Variants in SPATA24 observed in about 807,000 individuals in gnomAD.
SPATA24 encodes spermatogenesis-associated protein 24.
In SPATA24, 21 loss-of-function variants were observed where a neutral mutation model predicts 28.9. The ratio of observed to expected loss-of-function variants is 0.73; its 90% CI spans 0.52 to 1.05. The LOEUF is 1.05. Among genes scored for constraint, SPATA24 ranks in the 50% least tolerant of loss-of-function variants. The pLI is 0.00. For synonymous variants in SPATA24, 76 were observed against 89.9 expected (o/e 0.85, Z 0.88); for missense variants, 215 against 242.9 (o/e 0.88, Z 0.76).
chr5:139,394,520 A>T, downstream of SPATA24: 1 of 1,460,382 alleles, frequency 6.8e-7, no homozygotes, highest in Non-Finnish European at 9.0e-7. Context: ...ACCTCCACAC[A>T]CTCGAACTGC....
downstream of SPATA24, chr5:139,394,377 A>G (rs1341806108): frequency 2.8e-5 from 40 of 1,406,874 alleles, no homozygotes; most frequent in Non-Finnish European, 3.7e-5. Context: ...CGTCCAGGGA[A>G]CCGGTGCGCA....
chr5:139,394,633 G>A, downstream of SPATA24: 1 of 1,534,394 alleles, frequency 6.5e-7, no homozygotes, highest in South Asian at 1.2e-5. Flanking sequence ...CGCGGCGGGA[G>A]ACGCTGGCCC....
Position 139,397,129 on chromosome 5 carries a change from T to C in SPATA24, c.400A>G (p.Ile134Val). The change falls in exon 5 of 6, where the codon ATT becomes GTT. Residue 134 changes from isoleucine (I) to valine (V), a missense_variant. By Grantham distance (29) the Ile-to-Val change is conservative. Coordinates refer to ENST00000450845, the MANE Select transcript of SPATA24 (RefSeq NM_194296.2). ...ITKCNEIESH[I>V]IKQEDILNGK... is the part of the protein sequence containing the mutation. Reference sequence around the variant, plus strand: ...TTAAGTATATCTTCTTGCTTTATAATGTGAGACTCAATCTCTGTGGGGGAG... The same window carrying C: ...TTAAGTATATCTTCTTGCTTTATAACGTGAGACTCAATCTCTGTGGGGGAG... 3 of 1,552,100 alleles carry C rather than the reference T, an allele frequency of 1.9e-6. No homozygotes were observed. Among genetic ancestry groups the C allele is most frequent in the Non-Finnish European group, 2.6e-6 (3 of 1,146,990 alleles).
At chr5:139,392,576 G>A (rs1177899563), downstream of SPATA24, 4 of 1,358,954 alleles carry the variant, frequency 2.9e-6, no homozygotes, top group Non-Finnish European at 3.8e-6. The surrounding 1 kb of genome is among the most constrained non-coding windows in gnomAD (Gnocchi z 5.8). Context: ...GGCTCCCGCG[G>A]GAGTGGCGCC....
chr5:139,394,091 C>A (rs1198844755), downstream of SPATA24: 2 of 1,550,464 alleles, frequency 1.3e-6, no homozygotes. Flanking sequence ...GGCTCCGTCC[C>A]GGGCGCAGGC....
At chr5:139,403,237 C>T (rs1303498292) in intron 1 of SPATA24, among the ~76,000 whole-genome samples, 1 of 152,148 alleles carries the variant, frequency 6.6e-6, no homozygotes, top group Non-Finnish European at 1.5e-5. Flanking sequence ...GGTCTCTCTC[C>T]CCTTTCCCCC....
At position 139,404,019 on chromosome 5, in the gene SPATA24, A is replaced by G. The variant is rs1318858523; in HGVS notation, c.42T>C (p.Ser14=). The G allele has an allele frequency of 8.4e-6, 13 of 1,551,778 alleles. No individual in the cohort carries two copies. The East Asian group carries it at 3.2e-4, about 38-fold the overall frequency. Residue 14 remains serine, a synonymous_variant, in exon 1 of 6, where the codon TCT becomes TCC. Coordinates refer to ENST00000450845, the MANE Select transcript of SPATA24 (RefSeq NM_194296.2). ...PLGWSKAGSG[S]VCLALDQLRD... The stretch of plus-strand genomic sequence containing the variant: ...GCAGTTGATCTAAAGCGAGACACAC[A>G]GATCCTGACCCCGCCTTCGACCACC...
chr5:139,394,777 T>G, downstream of SPATA24: 1 of 1,527,994 alleles, frequency 6.5e-7, no homozygotes, highest in Non-Finnish European at 8.8e-7. Context: ...CGTGCGCAGC[T>G]GGGGCTGGGG....
In SPATA24 at chr5:139,401,813, G is replaced by C. The variant is rs776789393; in HGVS notation, c.327C>G (p.Val109=). The C allele has an allele frequency of 1.3e-6, 2 of 1,550,938 alleles. No individual in the cohort carries two copies. The highest frequency in any genetic ancestry group is 2.4e-5 in the East Asian group (1 of 40,908). The change falls in exon 4 of 6, where the codon GTC becomes GTG. Residue 109 remains valine (V), a synonymous_variant. Transcript: ENST00000450845. ...KLAFEKALSS[V]KSKVLQESSK... is the part of the protein sequence containing the mutation. ...TGGACTCCTGAAGGACTTTGCTCTT[G>C]ACACTGGAGAGCCTGGGTGGGGAAG... is the stretch of plus-strand genomic sequence containing the variant.
chr5:139,392,616 A>G, downstream of SPATA24: 1 of 1,376,120 alleles, frequency 7.3e-7, no homozygotes, highest in Non-Finnish European at 9.4e-7. This position sits in a 1 kb window ranked among gnomAD's most constrained non-coding sequence, Gnocchi z 5.8. Context: ...CGGGGGCCGT[A>G]GGTGGTGTCT....
chr5:139,394,971 A>G, downstream of SPATA24: 1 of 1,519,964 alleles, frequency 6.6e-7, no homozygotes, highest in African/African-American at 1.4e-5. Flanking sequence ...GAGAACCTGG[A>G]GCCGTGTAGT....
At chr5:139,394,586 G>T, downstream of SPATA24, 1 of 1,529,788 alleles carries the variant, frequency 6.5e-7, no homozygotes, top group Non-Finnish European at 8.7e-7. Context: ...GTGGCCCAGC[G>T]GGAGCCACCA....
chr5:139,392,963 G>A, downstream of SPATA24: 2 of 1,505,400 alleles, frequency 1.3e-6, no homozygotes, highest in Non-Finnish European at 1.8e-6. The surrounding 1 kb of genome is among the most constrained non-coding windows in gnomAD (Gnocchi z 5.8). Context: ...GAGGCGTCCC[G>A]GGCGACCGTG....
Position 139,396,846 on chromosome 5 carries a change from G to A in SPATA24, c.572C>T (p.Ser191Leu). The A allele has an allele frequency of 6.4e-7, 1 of 1,551,732 alleles. No individual in the cohort carries two copies. The highest frequency in any genetic ancestry group is 8.7e-7 in the Non-Finnish European group (1 of 1,147,002). The stretch of plus-strand genomic sequence containing the variant: ...GTGGCTGCGGGCCTGACGTGTCCCT[G>A]AGGCTTTCTTATGCTTCTGGTCCAG... ...QVLDQKHKKA[S>L]GTRQARSHQH... Residue 191 changes from serine to leucine, a missense_variant, in exon 6 of 6, where the codon TCA becomes TTA. By Grantham distance (145) the Ser-to-Leu change is moderately radical. Transcript: ENST00000450845.
At chr5:139,393,020 G>A, downstream of SPATA24, 1 of 1,524,422 alleles carries the variant, frequency 6.6e-7, no homozygotes, top group East Asian at 2.5e-5. Flanking sequence ...ACCACCGGTA[G>A]AAAATCCTTG....
At chr5:139,400,849 G>A (rs1758806743) in intron 4 of SPATA24, among the ~76,000 whole-genome samples, 1 of 152,038 alleles carries the variant, frequency 6.6e-6, no homozygotes, top group African/African-American at 2.4e-5. Flanking sequence ...TAAAAAGTCA[G>A]AAAAGCTTCC....
downstream of SPATA24, chr5:139,395,067 G>C (rs1338986869): frequency 1.4e-6 from 2 of 1,409,074 alleles, no homozygotes; most frequent in East Asian, 5.9e-5. Flanking sequence ...CTGGCGGGGC[G>C]AGCGCGGTCA....
chr5:139,392,711 CG>C, downstream of SPATA24: 2 of 1,407,706 alleles, frequency 1.4e-6, no homozygotes. The surrounding 1 kb of genome is among the most constrained non-coding windows in gnomAD (Gnocchi z 5.8). Flanking sequence ...GCTGGCCCTA[CG>C]GGGGAGCGCT....
intron 1 of SPATA24, 97 bp downstream of exon 1, chr5:139,403,847 T>G (rs1758873821): frequency 9.2e-7 from 1 of 1,091,484 alleles, no homozygotes; most frequent in Non-Finnish European, 1.3e-6. Flanking sequence ...GGGCCATGCG[T>G]TCTAGCCACG....
Sources: gnomAD v4.1 joint callset for allele counts (sites outside exome capture counted in the v4.1 genomes callset) on GRCh38, gnomAD v4.1.1 for gene constraint, Gnocchi (gnomAD v3.1) non-coding constraint, MANE v1.5 for transcripts, NCBI Gene and HGNC (gene_info 2026-07-23, HGNC 2026-07-21) for gene names.